Variants in SLC35F1 observed in about 807,000 individuals in gnomAD.
SLC35F1 encodes the protein chromosome 6 open reading frame 169.
SLC35F1 carries 14 observed loss-of-function variants against 48.7 expected under a neutral mutation model. That is an observed-to-expected ratio of 0.29 (90% CI 0.19 to 0.45). The LOEUF is 0.45. Among genes scored for constraint, SLC35F1 ranks in the 20% least tolerant of loss-of-function variants. The pLI, the probability that SLC35F1 is intolerant of heterozygous loss-of-function variation, is 1.00. For synonymous variants in SLC35F1, 190 were observed against 202.2 expected (o/e 0.94, Z 0.51); for missense variants, 404 against 500.0 (o/e 0.81, Z 1.83).
At chr6:118,014,325 G>C (rs1170956115) in intron 1 of SLC35F1, among the ~76,000 whole-genome samples, 1 of 152,156 alleles carries the variant, frequency 6.6e-6, no homozygotes, top group Non-Finnish European at 1.5e-5. Context: ...ATGGGTTGGA[G>C]GCATTTGGGA....
At chr6:118,082,783 C>A (rs895046859) in intron 1 of SLC35F1, among the ~76,000 whole-genome samples, 2 of 152,106 alleles carry the variant, frequency 1.3e-5, no homozygotes, top group Non-Finnish European at 2.9e-5. Flanking sequence ...AAGCCTATTC[C>A]CTTAAGCAAA....
intron 1 of SLC35F1, among the ~76,000 whole-genome samples, chr6:117,956,248 C>T (rs1356409987): frequency 6.6e-6 from 1 of 152,190 alleles, no homozygotes; most frequent in Admixed American, 6.5e-5. Flanking sequence ...GGGTATCTTC[C>T]TACCGCACAG....
intron 3 of SLC35F1, among the ~76,000 whole-genome samples, chr6:118,244,279 G>A (rs146830284): frequency 1.3e-5 from 2 of 152,348 alleles, no homozygotes; most frequent in African/African-American, 4.8e-5. Flanking sequence ...AGAGTTCTTG[G>A]CTTGGCCTAG....
At chr6:118,245,651 C>T (rs1027526269) in intron 3 of SLC35F1, among the ~76,000 whole-genome samples, 13 of 152,162 alleles carry the variant, frequency 8.5e-5, no homozygotes, top group Non-Finnish European at 1.9e-4. Context: ...GCAACATAGA[C>T]TGTTCCCCAC....
intron 7 of SLC35F1, among the ~76,000 whole-genome samples, chr6:118,306,206 AC>A (rs1435407279): frequency 7.9e-6 from 1 of 126,056 alleles, no homozygotes; most frequent in East Asian, 2.1e-4. Flanking sequence ...AGTGCATGGA[AC>A]CTTTGTTCTG....
chr6:118,134,958 C>G (rs775137032), intron 1 of SLC35F1, among the ~76,000 whole-genome samples: 1 of 152,112 alleles, frequency 6.6e-6, no homozygotes. Context: ...AAGTGAGGGA[C>G]GCAGTTGGAA....
chr6:118,117,293 C>T lies in SLC35F1; in HGVS notation c.174-37152C>T, dbSNP rs994880635. Among the ~76,000 whole-genome samples the T allele has an allele frequency of 5.2e-4, 79 of 152,294 alleles. 1 individual carries two copies. Among genetic ancestry groups the T allele is most frequent in the African/African-American group, 1.8e-3 (76 of 41,552 alleles). On this transcript the variant is annotated intron_variant, in intron 1 of 7. Transcript: ENST00000360388. ...TTACAAAGAACTCCTACTACATTTT[C>T]CTAAGTGAAGGAATACTCAATTTTG...
intron 1 of SLC35F1, among the ~76,000 whole-genome samples, chr6:118,067,362 A>T (rs1322796609): frequency 6.6e-6 from 1 of 152,158 alleles, no homozygotes; most frequent in Non-Finnish European, 1.5e-5. Flanking sequence ...ACGCAGATTA[A>T]GAGTCATCAA....
At chr6:118,187,228 G>A (rs1411494484) in intron 2 of SLC35F1, among the ~76,000 whole-genome samples, 1 of 152,190 alleles carries the variant, frequency 6.6e-6, no homozygotes, top group Non-Finnish European at 1.5e-5. Context: ...AAATGCCAAT[G>A]CTGAAATTGC....
intron 1 of SLC35F1, among the ~76,000 whole-genome samples, chr6:118,020,270 A>T (rs1306533853): frequency 1.3e-5 from 2 of 152,156 alleles, no homozygotes; most frequent in African/African-American, 4.8e-5. Context: ...TGAGTCCCTT[A>T]TAGTGTCTCC....
At chr6:117,920,432 G>C (rs1319691414) in intron 1 of SLC35F1, among the ~76,000 whole-genome samples, 2 of 152,238 alleles carry the variant, frequency 1.3e-5, no homozygotes, top group Non-Finnish European at 2.9e-5. Flanking sequence ...CATCCAACAG[G>C]AGATAATCTG....
At chr6:118,290,876 C>A (rs1776112917) in intron 7 of SLC35F1, among the ~76,000 whole-genome samples, 1 of 151,810 alleles carries the variant, frequency 6.6e-6, no homozygotes, top group African/African-American at 2.4e-5. Flanking sequence ...TTCACCACAA[C>A]CTCCACCTAC....
chr6:118,096,825 A>T (rs1773183492), intron 1 of SLC35F1, among the ~76,000 whole-genome samples: 1 of 152,072 alleles, frequency 6.6e-6, no homozygotes, highest in Non-Finnish European at 1.5e-5. Flanking sequence ...TTTCACTCCT[A>T]CCCCAAAGCT....
intron 1 of SLC35F1, among the ~76,000 whole-genome samples, chr6:117,996,091 G>A (rs1407655413): frequency 6.6e-6 from 1 of 151,994 alleles, no homozygotes; most frequent in Non-Finnish European, 1.5e-5. Context: ...CATATTTTTT[G>A]TATATAAATA....
chr6:117,952,594 C>A (rs185345447), intron 1 of SLC35F1, among the ~76,000 whole-genome samples: 93 of 152,264 alleles, frequency 6.1e-4, no homozygotes, highest in Admixed American at 1.0e-3. Flanking sequence ...GCAAGAAGAA[C>A]CCTCTGTAGC....
At chr6:118,275,096 G>A (rs1331345367) in intron 4 of SLC35F1, among the ~76,000 whole-genome samples, 1 of 152,118 alleles carries the variant, frequency 6.6e-6, no homozygotes, top group African/African-American at 2.4e-5. Flanking sequence ...GAATCCCTTA[G>A]AACTTGGGAG....
chr6:117,975,315 G>T (rs1003553574), intron 1 of SLC35F1, among the ~76,000 whole-genome samples: 11 of 152,192 alleles, frequency 7.2e-5, no homozygotes, highest in African/African-American at 2.7e-4. Flanking sequence ...ATTTTGATTA[G>T]AGTTAACTGC....
At chr6:118,130,709 G>A (rs1256205806) in intron 1 of SLC35F1, among the ~76,000 whole-genome samples, 1 of 150,962 alleles carries the variant, frequency 6.6e-6, no homozygotes, top group African/African-American at 2.4e-5. Context: ...CTGCAATTTT[G>A]TATTCAGAGA....
chr6:118,216,110 CT>C (rs1454984967), intron 2 of SLC35F1, among the ~76,000 whole-genome samples: 1 of 142,656 alleles, frequency 7.0e-6, no homozygotes, highest in Non-Finnish European at 1.5e-5. Context: ...GAGATCAGGT[CT>C]CTGTCACCCA....
Sources: allele counts gnomAD v4.1 joint callset (sites outside exome capture counted in the v4.1 genomes callset), GRCh38; gene constraint gnomAD v4.1.1; transcripts MANE v1.5; gene names NCBI Gene and HGNC (gene_info 2026-07-23, HGNC 2026-07-21).